The following GIGYF2 variants were observed in gnomAD, a reference collection of about 807,000 sequenced individuals.
The protein encoded by GIGYF2 is GRB10 interacting GYF protein 2.
GIGYF2 carries 25 observed loss-of-function variants against 208.1 expected under a neutral mutation model. That is an observed-to-expected ratio of 0.12 (90% CI 0.09 to 0.17). The LOEUF (loss-of-function observed/expected upper bound fraction) is 0.17. GIGYF2 is among the 10% of genes least tolerant of loss of function. The probability of loss-of-function intolerance (pLI) is 1.00; values close to 1 mark genes in which losing one functional copy is unlikely to be tolerated. For synonymous variants in GIGYF2, 534 were observed against 543.8 expected (o/e 0.98, Z 0.25); for missense variants, 1,302 against 1,579.4 (o/e 0.82, Z 2.98).
chr2:232,706,771 C>A (rs1696130574), intron 2 of GIGYF2, among the ~76,000 whole-genome samples: 1 of 151,736 alleles, frequency 6.6e-6, no homozygotes, highest in South Asian at 2.1e-4. Context: ...CAGAGCAAGA[C>A]TCTGTCTCAA....
Position 232,772,871 on chromosome 2 carries a change from A to G in GIGYF2, c.532+11435A>G, listed in dbSNP as rs529807638. 1.3e-4 allele frequency among the ~76,000 whole-genome samples: 20 copies of G among 152,230 alleles called. No homozygotes were observed. The East Asian group carries it at 3.3e-3, about 25-fold the overall frequency. On this transcript the variant is annotated intron_variant, in intron 8 of 28. Coordinates refer to ENST00000373563, the MANE Select transcript of GIGYF2 (RefSeq NM_001103146.3). ...TTGTTGCTTGGGTTTCCTAGTTCCT[A>G]TATCTCGGGACTTTGAGGCTTTGGA...
intron 2 of GIGYF2, among the ~76,000 whole-genome samples, chr2:232,728,450 G>C (rs938528453): frequency 1.3e-5 from 2 of 152,190 alleles, no homozygotes; most frequent in African/African-American, 4.8e-5. Flanking sequence ...GAATCTTGAA[G>C]AAGTAGGCTA....
intron 2 of GIGYF2, among the ~76,000 whole-genome samples, chr2:232,722,321 C>A (rs1696981184): frequency 6.6e-6 from 1 of 152,138 alleles, no homozygotes; most frequent in African/African-American, 2.4e-5. Context: ...AAGCAAGGCA[C>A]CTTCTACACA....
chr2:232,816,534 A>G (rs1700916219), intron 19 of GIGYF2, among the ~76,000 whole-genome samples: 1 of 152,162 alleles, frequency 6.6e-6, no homozygotes, highest in Non-Finnish European at 1.5e-5. Context: ...GGTAACGTGG[A>G]GTGTGGAGGC....
chr2:232,791,538 A>G, intron 12 of GIGYF2, 92 bp downstream of exon 12: 1 of 1,084,878 alleles, frequency 9.2e-7, no homozygotes, highest in East Asian at 2.6e-5. Context: ...GCCTCCTAGA[A>G]CTGCTTTTAG....
intron 2 of GIGYF2, among the ~76,000 whole-genome samples, chr2:232,733,200 T>C (rs1697580518): frequency 6.8e-6 from 1 of 146,680 alleles, no homozygotes; most frequent in South Asian, 2.1e-4. Context: ...GAGCTTACAG[T>C]GAGCCGTGAT....
At chr2:232,738,145 G>C (rs568186263) in intron 3 of GIGYF2, among the ~76,000 whole-genome samples, 3 of 152,122 alleles carry the variant, frequency 2.0e-5, no homozygotes, top group African/African-American at 7.2e-5. Flanking sequence ...TCGAACTCCT[G>C]ACCTCAGGTG....
At chr2:232,805,289 A>G (rs889936711) in intron 14 of GIGYF2, among the ~76,000 whole-genome samples, 2 of 152,124 alleles carry the variant, frequency 1.3e-5, no homozygotes, top group African/African-American at 2.4e-5. Flanking sequence ...TAGTTGGTCT[A>G]TCACGTGGTG....
intron 2 of GIGYF2, among the ~76,000 whole-genome samples, chr2:232,710,286 G>T (rs899476842): frequency 6.6e-6 from 1 of 151,950 alleles, no homozygotes; most frequent in Non-Finnish European, 1.5e-5. Context: ...AGGGGATCTC[G>T]CTATGTTACC....
intron 14 of GIGYF2, among the ~76,000 whole-genome samples, chr2:232,799,083 A>G (rs1700311297): frequency 6.6e-6 from 1 of 151,758 alleles, no homozygotes; most frequent in South Asian, 2.1e-4. Flanking sequence ...GGCTTATTTC[A>G]CTTAGCATAA....
chr2:232,773,910 T>TAA (rs61323973), intron 8 of GIGYF2, among the ~76,000 whole-genome samples: 113 of 112,766 alleles, frequency 1.0e-3, no homozygotes, highest in East Asian at 1.8e-3. Context: ...TGTCTCTATT[T>TAA]AAAAAAAAAA....
At chr2:232,809,941 T>C in intron 16 of GIGYF2, 130 bp downstream of exon 16, 1 of 703,242 alleles carries the variant, frequency 1.4e-6, no homozygotes. Flanking sequence ...ACCCAGCTAG[T>C]GGCGTCTTGC....
intron 25 of GIGYF2, 143 bp from the exon 26 acceptor site, chr2:232,845,589 A>T (rs901709116): frequency 8.3e-6 from 6 of 721,858 alleles, no homozygotes; most frequent in Admixed American, 4.6e-5. Context: ...AAATATTTGA[A>T]TTTTTTTCTT....
intron 6 of GIGYF2, among the ~76,000 whole-genome samples, chr2:232,758,611 T>G (rs901217296): frequency 6.6e-6 from 1 of 152,222 alleles, no homozygotes; most frequent in Non-Finnish European, 1.5e-5. Context: ...CGTTGTAGTA[T>G]GTCCCACCCT....
intron 21 of GIGYF2, among the ~76,000 whole-genome samples, chr2:232,825,044 C>T (rs1422285947): frequency 6.6e-6 from 1 of 152,198 alleles, no homozygotes; most frequent in Non-Finnish European, 1.5e-5. Context: ...TGTTGAAGAC[C>T]TACTGCTCCT....
chr2:232,723,604 G>A (rs1697043170), intron 2 of GIGYF2, among the ~76,000 whole-genome samples: 1 of 150,072 alleles, frequency 6.7e-6, no homozygotes, highest in African/African-American at 2.4e-5. Context: ...TAATTTTTGT[G>A]TTTTTAGTAG....
At chr2:232,779,240 T>C (rs1429268322) in intron 8 of GIGYF2, among the ~76,000 whole-genome samples, 1 of 152,186 alleles carries the variant, frequency 6.6e-6, no homozygotes, top group East Asian at 1.9e-4. Context: ...TGAACATAAA[T>C]GGTAAATACC....
At chr2:232,734,998 C>G (rs1472371145) in intron 2 of GIGYF2, among the ~76,000 whole-genome samples, 157 bp from the exon 3 acceptor site, 1 of 152,068 alleles carries the variant, frequency 6.6e-6, no homozygotes, top group Non-Finnish European at 1.5e-5. Flanking sequence ...TTCACTTTGC[C>G]TGCTATATTA....
chr2:232,724,766 T>C (rs915513789), intron 2 of GIGYF2: 1 of 152,148 alleles, frequency 6.6e-6, no homozygotes. Context: ...TTGCGTAGGC[T>C]GATCTCAAAC....
Sources: gnomAD v4.1 joint callset for allele counts (sites outside exome capture counted in the v4.1 genomes callset) on GRCh38, gnomAD v4.1.1 for gene constraint, MANE v1.5 for transcripts, NCBI Gene and HGNC (gene_info 2026-07-23, HGNC 2026-07-21) for gene names.